Variants in ATP10B observed in about 807,000 individuals in gnomAD.
The protein encoded by ATP10B is ATPase phospholipid transporting 10B (putative).
A neutral mutation model predicts 141.2 loss-of-function variants in ATP10B; 122 were observed. The observed-to-expected ratio is 0.86, with a 90% CI of 0.75 to 1.00. ATP10B has a LOEUF of 1.00. Ranked by LOEUF, ATP10B falls within the 50% of genes least tolerant of loss-of-function variation. ATP10B has a pLI of 0.00. For synonymous variants in ATP10B, 685 were observed against 692.0 expected (o/e 0.99, Z 0.16); for missense variants, 1,876 against 1,825.3 (o/e 1.03, Z -0.51).
At chr5:160,718,619 A>C (rs1404172969) in intron 2 of ATP10B, among the ~76,000 whole-genome samples, 1 of 152,174 alleles carries the variant, frequency 6.6e-6, no homozygotes, top group Non-Finnish European at 1.5e-5. Flanking sequence ...GGGTACACAC[A>C]CAAAGAGACA....
intron 2 of ATP10B, among the ~76,000 whole-genome samples, chr5:160,781,667 GGCA>G (rs1388039230): frequency 6.6e-6 from 1 of 152,104 alleles, no homozygotes; most frequent in African/African-American, 2.4e-5. Flanking sequence ...AACTCATACT[GGCA>G]CAACATAACA....
At chr5:160,624,562 G>T (rs965793952) in intron 13 of ATP10B, among the ~76,000 whole-genome samples, 2 of 152,324 alleles carry the variant, frequency 1.3e-5, no homozygotes, top group East Asian at 3.9e-4. Context: ...ATACCATGTG[G>T]TGTCATTATT....
chr5:160,632,169 C>T lies in ATP10B; in HGVS notation c.1580G>A (p.Arg527His), dbSNP rs202038314. The part of the protein sequence containing the change: ...GHYRQRSMGH[R>H]ESSQPPVAFS... ...GGCCACAGGAGGCTGTGAGCTTTCA[C>T]GGTGCCCCATAGACCTTTGCCGGTA... The change falls in exon 13 of 26, where the codon CGT becomes CAT. Residue 527 changes from arginine to histidine, a missense_variant. Coordinates refer to ENST00000327245, the MANE Select transcript of ATP10B (RefSeq NM_025153.3). The T allele has an allele frequency of 6.1e-5, 98 of 1,614,114 alleles. No homozygotes were observed. Among genetic ancestry groups the T allele is most frequent in the Non-Finnish European group, 7.5e-5 (88 of 1,179,960 alleles).
chr5:160,698,676 G>C (rs974321313), intron 3 of ATP10B, among the ~76,000 whole-genome samples: 2 of 151,440 alleles, frequency 1.3e-5, no homozygotes, highest in African/African-American at 2.4e-5. Flanking sequence ...TAATAAAATG[G>C]TTGGGAGATG....
At chr5:160,874,711 C>A in the ATP10B span, among the ~76,000 whole-genome samples, 11 of 152,006 alleles carry the variant, frequency 7.2e-5, no homozygotes, top group African/African-American at 2.7e-4. Flanking sequence ...AGCTGAAAAC[C>A]AAGGCTCCAG....
the ATP10B span, among the ~76,000 whole-genome samples, chr5:160,903,290 GT>G: frequency 6.6e-6 from 1 of 152,286 alleles, no homozygotes; most frequent in African/African-American, 2.4e-5. Flanking sequence ...GCCTCTCCCA[GT>G]TCTCGATGTG....
intron 19 of ATP10B, among the ~76,000 whole-genome samples, chr5:160,605,425 G>A (rs1757324505): frequency 6.6e-6 from 1 of 152,184 alleles, no homozygotes; most frequent in African/African-American, 2.4e-5. Context: ...AGAAGTAGAG[G>A]TGTGAAACCA....
chr5:160,897,796 CA>C, the ATP10B span, among the ~76,000 whole-genome samples: 1 of 152,166 alleles, frequency 6.6e-6, no homozygotes, highest in African/African-American at 2.4e-5. Context: ...AACTATACTA[CA>C]AGGCTACAGT....
At chr5:160,835,237 T>C (rs969231696) in intron 1 of ATP10B, among the ~76,000 whole-genome samples, 4 of 152,068 alleles carry the variant, frequency 2.6e-5, no homozygotes, top group African/African-American at 9.7e-5. Flanking sequence ...AGCAAAATTG[T>C]TGGGTTGAGT....
chr5:160,925,867 A>G, the ATP10B span, among the ~76,000 whole-genome samples: 2 of 152,274 alleles, frequency 1.3e-5, no homozygotes, highest in African/African-American at 2.4e-5. Context: ...ACAAGTGGAC[A>G]ATGGTGAATA....
intron 2 of ATP10B, among the ~76,000 whole-genome samples, chr5:160,730,219 A>G (rs1230305516): frequency 3.3e-5 from 5 of 152,182 alleles, no homozygotes; most frequent in Non-Finnish European, 5.9e-5. Flanking sequence ...AGCTCAAAGA[A>G]GGTAAGGCAT....
rs768995429 is a variant in ATP10B at position 160,606,714 on chromosome 5, C to G, written c.3160+51G>C. On this transcript the variant is annotated intron_variant, in intron 19 of 25. Transcript: ENST00000327245. ...ACCTCCCACCTCTGGTCCAGCCTTT[C>G]ATCAGATCATCCCTGCCAAAGTGCC... is the stretch of plus-strand genomic sequence containing the variant. 5 of 1,564,572 alleles carry G rather than the reference C, an allele frequency of 3.2e-6. No homozygotes were observed. The East Asian group carries it at 1.1e-4, about 35-fold the overall frequency.
At chr5:160,740,381 A>T (rs555269875) in intron 2 of ATP10B, among the ~76,000 whole-genome samples, 1 of 152,272 alleles carries the variant, frequency 6.6e-6, no homozygotes, top group African/African-American at 2.4e-5. Flanking sequence ...GTGCTTAGAG[A>T]CCTCTAGCAG....
chr5:160,627,666 C>A (rs993660386), intron 13 of ATP10B, among the ~76,000 whole-genome samples: 1 of 151,990 alleles, frequency 6.6e-6, no homozygotes, highest in African/African-American at 2.4e-5. Flanking sequence ...AACCATCCAA[C>A]GAATTCTAGC....
At chr5:160,740,227 T>C (rs773575420) in intron 2 of ATP10B, among the ~76,000 whole-genome samples, 2 of 152,246 alleles carry the variant, frequency 1.3e-5, no homozygotes, top group Non-Finnish European at 2.9e-5. Context: ...ATATTGTATT[T>C]AATAGATAAT....
At chr5:160,718,575 T>A (rs1250421439) in intron 2 of ATP10B, among the ~76,000 whole-genome samples, 1 of 152,218 alleles carries the variant, frequency 6.6e-6, no homozygotes, top group Non-Finnish European at 1.5e-5. Context: ...GCTTTTGTGC[T>A]GCATGCTAAC....
At position 160,784,230 on chromosome 5, in the gene ATP10B, T is replaced by C. The variant is rs149114428; in HGVS notation, c.-331+1329A>G. Among the ~76,000 whole-genome samples the C allele has an allele frequency of 5.3e-5, 8 of 152,256 alleles. No homozygotes were observed. The East Asian group carries it at 1.5e-3, about 29-fold the overall frequency. ...CTCTTAAAACTGAATGGTGAGATCT[T>C]GCAAAATTATCTTCTTTTGGCTGCA... On this transcript the variant is annotated intron_variant, in intron 2 of 25. Coordinates refer to ENST00000327245, the MANE Select transcript of ATP10B (RefSeq NM_025153.3).
chr5:160,796,870 T>A (rs939542553), intron 1 of ATP10B, among the ~76,000 whole-genome samples: 3 of 152,204 alleles, frequency 2.0e-5, no homozygotes, highest in Non-Finnish European at 4.4e-5. Context: ...CCAAGCCAGC[T>A]GTCTGTTAGA....
At chr5:160,598,609 C>A (rs559721835) in intron 22 of ATP10B, among the ~76,000 whole-genome samples, 161 bp downstream of exon 22, 1 of 152,006 alleles carries the variant, frequency 6.6e-6, no homozygotes, top group Non-Finnish European at 1.5e-5. Context: ...AGAAACGGGT[C>A]AGGAAAGGAG....
Sources: gnomAD v4.1 joint callset for allele counts (sites outside exome capture counted in the v4.1 genomes callset) on GRCh38, gnomAD v4.1.1 for gene constraint, MANE v1.5 for transcripts, NCBI Gene and HGNC (gene_info 2026-07-23, HGNC 2026-07-21) for gene names.